PROS1: variants seen among roughly 807,000 people sequenced by gnomAD.
The protein encoded by PROS1 is vitamin K-dependent protein S.
Under a neutral mutation model 75.9 loss-of-function variants are expected in PROS1, and 29 were observed. The ratio of observed to expected loss-of-function variants is 0.38; its 90% CI spans 0.28 to 0.52. The LOEUF is 0.52. Ranked by LOEUF, PROS1 falls within the 20% of genes least tolerant of loss-of-function variation. PROS1 has a pLI of 0.83. For synonymous variants in PROS1, 245 were observed against 280.6 expected (o/e 0.87, Z 1.27); for missense variants, 680 against 810.3 (o/e 0.84, Z 1.95).
chr3:93,905,664 A>T lies in PROS1; in HGVS notation c.601+120T>A, dbSNP rs547966353. The T allele has an allele frequency of 6.4e-6, 7 of 1,092,318 alleles. No individual in the cohort carries two copies. In the African/African-American group the frequency reaches 9.5e-5, roughly 15 times the overall value. The allele number at this position is 1,092,318 out of a possible 1,614,324, so 67.7% of individuals were successfully genotyped here. ...AGTATCACAAGGCTTCAATGTCGAT[A>T]AAAATGTGTTAGTATAAGCACTTAC... On this transcript the variant is annotated intron_variant, in intron 6 of 14. Coordinates refer to ENST00000394236, the MANE Select transcript of PROS1 (RefSeq NM_000313.4).
chr3:93,906,355 G>A (rs776618557), intron 4 of PROS1, among the ~76,000 whole-genome samples: 1 of 152,240 alleles, frequency 6.6e-6, no homozygotes, highest in Non-Finnish European at 1.5e-5. Flanking sequence ...GATGGCAGCA[G>A]TGGCCCATGT....
At chr3:93,936,992 T>C (rs2107218454) in intron 1 of PROS1, among the ~76,000 whole-genome samples, 1 of 152,296 alleles carries the variant, frequency 6.6e-6, no homozygotes, top group Middle Eastern at 3.4e-3. Context: ...TTCTCCAAGC[T>C]GGAAAGCTGA....
chr3:93,903,346 T>C (rs1559934576), intron 6 of PROS1, among the ~76,000 whole-genome samples: 1 of 152,164 alleles, frequency 6.6e-6, no homozygotes, highest in African/African-American at 2.4e-5. Flanking sequence ...TGGATAAGAA[T>C]TAAATACTTT....
chr3:93,920,262 A>C (rs1484479485), intron 3 of PROS1, among the ~76,000 whole-genome samples: 4 of 152,084 alleles, frequency 2.6e-5, no homozygotes, highest in Admixed American at 2.6e-4. Context: ...AAATAAAATA[A>C]AATCAATTTG....
At chr3:93,911,855 G>C (rs1445369294) in intron 3 of PROS1, among the ~76,000 whole-genome samples, 1 of 152,138 alleles carries the variant, frequency 6.6e-6, no homozygotes, top group East Asian at 1.9e-4. Flanking sequence ...AGATTCAAAG[G>C]GTAGGGTGTG....
At chr3:93,902,993 A>G (rs2107165940) in intron 6 of PROS1, among the ~76,000 whole-genome samples, 1 of 151,918 alleles carries the variant, frequency 6.6e-6, no homozygotes, top group East Asian at 2.0e-4. Context: ...CAGCCTCCGG[A>G]GTAGCTGGGA....
intron 6 of PROS1, among the ~76,000 whole-genome samples, chr3:93,903,283 T>C (rs1708624738): frequency 6.6e-6 from 1 of 152,204 alleles, no homozygotes; most frequent in Admixed American, 6.5e-5. Flanking sequence ...AACATTCCTA[T>C]TAATAAGAGC....
At chr3:93,885,543 C>A (rs946469890) in intron 11 of PROS1, among the ~76,000 whole-genome samples, 4 of 152,084 alleles carry the variant, frequency 2.6e-5, no homozygotes, top group Non-Finnish European at 5.9e-5. Context: ...TCTTTAGTGG[C>A]ATTTATAATA....
At chr3:93,904,932 A>G (rs1258148993) in intron 6 of PROS1, among the ~76,000 whole-genome samples, 2 of 152,198 alleles carry the variant, frequency 1.3e-5, no homozygotes, top group Non-Finnish European at 2.9e-5. Context: ...AAGAAAAAGG[A>G]GTTATGACCA....
At chr3:93,967,380 C>T (rs1281738913) in intron 1 of PROS1, among the ~76,000 whole-genome samples, 1 of 152,188 alleles carries the variant, frequency 6.6e-6, no homozygotes, top group Non-Finnish European at 1.5e-5. Context: ...ACAACACTAC[C>T]TCTAAGGATT....
At chr3:93,906,603 G>T (rs1453289410) in intron 4 of PROS1, among the ~76,000 whole-genome samples, 1 of 152,238 alleles carries the variant, frequency 6.6e-6, no homozygotes, top group Non-Finnish European at 1.5e-5. Context: ...CATGGAGCTG[G>T]TAAAAGCCAA....
intron 1 of PROS1, among the ~76,000 whole-genome samples, chr3:93,953,725 A>G (rs1462849696): frequency 2.6e-5 from 4 of 152,192 alleles, no homozygotes; most frequent in African/African-American, 7.2e-5. Flanking sequence ...AGTTCTGGCC[A>G]GGGCAATCAG....
chr3:93,897,006 T>C (rs1708511024), intron 8 of PROS1, among the ~76,000 whole-genome samples: 1 of 152,136 alleles, frequency 6.6e-6, no homozygotes, highest in Admixed American at 6.6e-5. Flanking sequence ...AGAACCAATA[T>C]ATATTTCTTT....
chr3:93,906,723 G>A (rs1483327893), intron 4 of PROS1, among the ~76,000 whole-genome samples: 1 of 152,202 alleles, frequency 6.6e-6, no homozygotes, highest in Admixed American at 6.5e-5. Flanking sequence ...TACTCTTGAG[G>A]GCCTGGGGAG....
chr3:93,917,488 T>C (rs915625697), intron 3 of PROS1, among the ~76,000 whole-genome samples: 3 of 152,180 alleles, frequency 2.0e-5, no homozygotes, highest in African/African-American at 7.2e-5. Context: ...CTGGGCACCT[T>C]TTCTGCCTGG....
chr3:93,933,511 G>T (rs921923383), intron 1 of PROS1, among the ~76,000 whole-genome samples: 1 of 151,676 alleles, frequency 6.6e-6, no homozygotes, highest in Non-Finnish European at 1.5e-5. Context: ...GAAGGTTGAG[G>T]TACAGGGAGC....
chr3:93,927,216 A>G (rs1709031628), intron 2 of PROS1, 34 bp downstream of exon 2: 2 of 1,611,320 alleles, frequency 1.2e-6, no homozygotes, highest in Non-Finnish European at 1.7e-6. Context: ...GTATGTCTAG[A>G]TGTGTGAACT....
intron 1 of PROS1, among the ~76,000 whole-genome samples, chr3:93,947,656 G>T (rs989625593): frequency 2.0e-5 from 3 of 151,580 alleles, no homozygotes; most frequent in African/African-American, 4.8e-5. Flanking sequence ...AAGCTCCACC[G>T]CCCAGGTTCA....
intron 10 of PROS1, among the ~76,000 whole-genome samples, chr3:93,889,635 G>A (rs957055690): frequency 5.3e-5 from 8 of 152,146 alleles, no homozygotes; most frequent in South Asian, 4.1e-4. Flanking sequence ...CAGGGACCCC[G>A]AATGGAGGGA....
Sources: gnomAD v4.1 joint callset for allele counts (sites outside exome capture counted in the v4.1 genomes callset) on GRCh38, gnomAD v4.1.1 for gene constraint, MANE v1.5 for transcripts, NCBI Gene and HGNC (gene_info 2026-07-23, HGNC 2026-07-21) for gene names.